The following IL1R2 variants were observed in gnomAD, a reference collection of about 807,000 sequenced individuals.
IL1R2 encodes interleukin-1 receptor type 2.
A neutral mutation model predicts 39.5 loss-of-function variants in IL1R2; 46 were observed. The observed-to-expected ratio is 1.16, with a 90% CI of 0.92 to 1.49. The LOEUF is 1.49. Among genes scored for constraint, IL1R2 ranks in the 40% most tolerant of loss-of-function variants. IL1R2 has a pLI of 0.00. For synonymous variants in IL1R2, 207 were observed against 189.6 expected, an observed-to-expected ratio of 1.09 and a Z score of -0.75; for missense variants, 537 against 502.0, an observed-to-expected ratio of 1.07 and a Z score of -0.67.
At chr2:102,016,221 C>A in intron 4 of IL1R2, 170 bp downstream of exon 4, 1 of 539,806 alleles carries the variant, frequency 1.9e-6, no homozygotes, top group South Asian at 2.8e-5. Flanking sequence ...GGGATTCAAC[C>A]AACCTGGGAT....
intron 6 of IL1R2, among the ~76,000 whole-genome samples, chr2:102,024,191 A>T (rs3218973): frequency 0.012 from 1,786 of 152,210 alleles, 40 homozygotes; most frequent in African/African-American, 0.04. Context: ...GAATCCACAC[A>T]TTGATCTGGA....
intron 3 of IL1R2, among the ~76,000 whole-genome samples, chr2:102,012,632 C>T (rs1676715071): frequency 6.6e-6 from 1 of 152,074 alleles, no homozygotes; most frequent in Non-Finnish European, 1.5e-5. Context: ...ATATGTCTAG[C>T]CCCAACTATA....
rs574140028 is a variant in IL1R2, at chr2:102,019,426, C to T, written c.514-212C>T. The stretch of plus-strand genomic sequence containing the variant: ...ATATGCTCTAACTATTGTAGTTAAC[C>T]AAATCTAGCAATTTTATTTGTTTAT... On this transcript the variant is annotated intron_variant, in intron 4 of 8. Transcript: ENST00000332549. 2.0e-5 allele frequency among the ~76,000 whole-genome samples: 3 copies of T among 152,172 alleles called. No homozygotes were observed. The South Asian group carries it at 6.2e-4, about 32-fold the overall frequency.
intron 1 of IL1R2, among the ~76,000 whole-genome samples, chr2:101,999,860 G>A (rs771979604): frequency 6.6e-6 from 1 of 152,188 alleles, no homozygotes; most frequent in Non-Finnish European, 1.5e-5. Context: ...GTGTTTATAT[G>A]TTAAGCACGC....
At chr2:102,013,268 CTT>C (rs1246846380) in intron 3 of IL1R2, among the ~76,000 whole-genome samples, 22 of 152,034 alleles carry the variant, frequency 1.4e-4, no homozygotes, top group Admixed American at 5.9e-4. Flanking sequence ...CTTTAATACT[CTT>C]TGTCAACTGT....
At chr2:102,002,951 CCTA>C (rs1675992860) in intron 1 of IL1R2, among the ~76,000 whole-genome samples, 1 of 86,252 alleles carries the variant, frequency 1.2e-5, no homozygotes, top group African/African-American at 4.9e-5. Flanking sequence ...TGTGTCTGTG[CCTA>C]TGTCTGTGTC....
At chr2:102,000,958 T>A (rs1055195814) in intron 1 of IL1R2, among the ~76,000 whole-genome samples, 1 of 152,196 alleles carries the variant, frequency 6.6e-6, no homozygotes, top group Non-Finnish European at 1.5e-5. Flanking sequence ...GCCCTGCAGA[T>A]GCCTAGGGCC....
rs553313886 is a variant in IL1R2, at chr2:102,026,207, C to T, written c.984C>T (p.Val328=). 9 of 1,613,068 alleles carry T rather than the reference C, an allele frequency of 5.6e-6. No individual in the cohort carries two copies. The South Asian group carries it at 7.7e-5, about 14-fold the overall frequency. The part of the protein sequence containing the change: ...EDLHMDFKCV[V]HNTLSFQTLR... ...TGCACATGGATTTTAAATGTGTTGT[C>T]CATAATACCCTGAGTTTTCAGACAC... is the stretch of plus-strand genomic sequence containing the variant. Residue 328 remains valine, a synonymous_variant, in exon 8 of 9, where the codon GTC becomes GTT. Coordinates refer to ENST00000332549, the MANE Select transcript of IL1R2 (RefSeq NM_004633.4).
rs756424871 is a variant in IL1R2, at chr2:102,009,835, C to T, written c.332+9C>T. On this transcript the variant is annotated intron_variant, in intron 3 of 8. Transcript: ENST00000332549. Reference sequence around the variant, plus strand: ...TACGTCTGCACTACTAGGTAAGTCTCCCTGTGCGGGGCTGGGGAGGGGATC... The same window carrying T: ...TACGTCTGCACTACTAGGTAAGTCTTCCTGTGCGGGGCTGGGGAGGGGATC... 3 of 1,613,484 alleles carry T rather than the reference C, an allele frequency of 1.9e-6. No individual in the cohort carries two copies. The highest frequency in any genetic ancestry group is 2.5e-6 in the Non-Finnish European group (3 of 1,179,526).
chr2:102,003,458 CTGTGTCTGTGTCGGTGTCT>C (rs1676045787), intron 1 of IL1R2, among the ~76,000 whole-genome samples: 1 of 138,472 alleles, frequency 7.2e-6, no homozygotes, highest in African/African-American at 2.8e-5. Context: ...GTGGCTGTGG[CTGTGTCTGTGTCGGTGTCT>C]AGGCCTATGT....
chr2:102,017,014 G>T lies in IL1R2; in HGVS notation c.513+963G>T, dbSNP rs530137962. Among the ~76,000 whole-genome samples, 5 of 152,176 alleles carry T rather than the reference G, an allele frequency of 3.3e-5. No individual in the cohort carries two copies. The South Asian group carries it at 1.0e-3, about 32-fold the overall frequency. On this transcript the variant is annotated intron_variant, in intron 4 of 8. Transcript: ENST00000332549. ...GAAGACAGAGTACATAACAGCTGAA[G>T]GAAATAACTTTTTACTGTAATTTGT...
chr2:102,005,065 G>C (rs1021544751), intron 1 of IL1R2, among the ~76,000 whole-genome samples: 1 of 152,220 alleles, frequency 6.6e-6, no homozygotes, highest in Non-Finnish European at 1.5e-5. Flanking sequence ...AGAAAGAAGA[G>C]ACTTGATTAG....
intron 6 of IL1R2, among the ~76,000 whole-genome samples, chr2:102,022,472 G>A (rs958872893): frequency 6.6e-6 from 1 of 152,182 alleles, no homozygotes; most frequent in Non-Finnish European, 1.5e-5. Flanking sequence ...CTGAAAACAG[G>A]TATACTTTGC....
At chr2:102,006,106 C>T (rs1445262878) in intron 1 of IL1R2, among the ~76,000 whole-genome samples, 7 of 152,286 alleles carry the variant, frequency 4.6e-5, no homozygotes. Flanking sequence ...ATTTACTTAT[C>T]CTGATATATG....
chr2:102,015,584 G>A (rs1676943244), intron 3 of IL1R2, among the ~76,000 whole-genome samples: 1 of 152,168 alleles, frequency 6.6e-6, no homozygotes, highest in East Asian at 1.9e-4. Context: ...CTACAGCTGG[G>A]CAAAGTCATC....
chr2:102,020,774 C>A (rs963666746), intron 5 of IL1R2, among the ~76,000 whole-genome samples: 2 of 152,136 alleles, frequency 1.3e-5, no homozygotes, highest in Non-Finnish European at 2.9e-5. Context: ...CCTGTCTCTG[C>A]GATACTGTGC....
intron 3 of IL1R2, among the ~76,000 whole-genome samples, chr2:102,011,432 T>A (rs908393681): frequency 6.6e-6 from 1 of 152,206 alleles, no homozygotes; most frequent in Non-Finnish European, 1.5e-5. Flanking sequence ...ATCATCCTAA[T>A]GGGTGTGAAG....
At chr2:102,017,166 G>A (rs1368261047) in intron 4 of IL1R2, among the ~76,000 whole-genome samples, 1 of 152,050 alleles carries the variant, frequency 6.6e-6, no homozygotes, top group Non-Finnish European at 1.5e-5. Context: ...GGCAGGCCAA[G>A]GCAGGTAGAT....
intron 1 of IL1R2, among the ~76,000 whole-genome samples, chr2:102,005,324 T>A (rs1337269418): frequency 6.6e-6 from 1 of 152,222 alleles, no homozygotes; most frequent in Non-Finnish European, 1.5e-5. Flanking sequence ...AGAAACTGTT[T>A]ACCTGAAATA....
Sources: allele counts gnomAD v4.1 joint callset (sites outside exome capture counted in the v4.1 genomes callset), GRCh38; gene constraint gnomAD v4.1.1; transcripts MANE v1.5; gene names NCBI Gene and HGNC (gene_info 2026-07-23, HGNC 2026-07-21).